The following ESRRG variants were observed in gnomAD, a reference collection of about 807,000 sequenced individuals.
The protein encoded by ESRRG is estrogen-related receptor gamma.
A neutral mutation model predicts 44.0 loss-of-function variants in ESRRG; 13 were observed. The observed-to-expected ratio is 0.30, with a 90% CI of 0.19 to 0.47. The LOEUF is 0.47. ESRRG is among the 20% of genes least tolerant of loss of function. The pLI is 1.00. For synonymous variants in ESRRG, 215 were observed against 214.6 expected (o/e 1.00, Z -0.02); for missense variants, 395 against 580.6 (o/e 0.68, Z 3.29).
At chr1:216,526,188 C>T (rs893604882) in intron 5 of ESRRG, among the ~76,000 whole-genome samples, 1 of 152,088 alleles carries the variant, frequency 6.6e-6, no homozygotes, top group Admixed American at 6.5e-5. Flanking sequence ...ATGGTATTAA[C>T]TTAGCCCCTG....
intron 2 of ESRRG, among the ~76,000 whole-genome samples, chr1:216,661,122 T>C (rs995291605): frequency 1.3e-5 from 2 of 152,210 alleles, no homozygotes; most frequent in African/African-American, 2.4e-5. Context: ...AGTTCTGATA[T>C]AATGATGTCT....
intron 3 of ESRRG, among the ~76,000 whole-genome samples, chr1:216,590,523 G>A (rs2149989272): frequency 6.6e-6 from 1 of 152,274 alleles, no homozygotes; most frequent in East Asian, 1.9e-4. Flanking sequence ...TCTCTGTCTG[G>A]AATTTAAGAA....
At chr1:216,574,981 A>T (rs1032641271) in intron 3 of ESRRG, among the ~76,000 whole-genome samples, 2 of 152,132 alleles carry the variant, frequency 1.3e-5, no homozygotes, top group Admixed American at 1.3e-4. Flanking sequence ...GATTTCTATG[A>T]GGGAACCATC....
chr1:216,735,987 A>AAAAAT (rs1453476198), intron 2 of ESRRG, among the ~76,000 whole-genome samples: 7 of 137,078 alleles, frequency 5.1e-5, no homozygotes, highest in Non-Finnish European at 9.4e-5. Flanking sequence ...CTCAAAAAAA[A>AAAAAT]ATATATATAT....
chr1:216,603,578 A>C (rs1170377152), intron 3 of ESRRG, among the ~76,000 whole-genome samples: 2 of 152,202 alleles, frequency 1.3e-5, no homozygotes, highest in East Asian at 3.8e-4. Flanking sequence ...ACAGTTATTC[A>C]CTGACCTCAG....
chr1:216,736,687 A>ACC (rs1377657173), intron 2 of ESRRG, among the ~76,000 whole-genome samples: 1 of 152,152 alleles, frequency 6.6e-6, no homozygotes, highest in Non-Finnish European at 1.5e-5. Flanking sequence ...TCAGTGAACA[A>ACC]GAGGGAACCG....
intron 3 of ESRRG, among the ~76,000 whole-genome samples, chr1:216,570,729 G>C (rs919721761): frequency 8.5e-5 from 13 of 152,184 alleles, no homozygotes. Context: ...GGCAGAGAGA[G>C]AGAAACAATG....
At chr1:216,970,159 A>G (rs1370408747) in intron 1 of ESRRG, among the ~76,000 whole-genome samples, 3 of 152,180 alleles carry the variant, frequency 2.0e-5, no homozygotes, top group African/African-American at 7.2e-5. Context: ...AAATGCTAAG[A>G]ATCACCCATG....
intron 2 of ESRRG, among the ~76,000 whole-genome samples, chr1:216,836,875 G>A (rs1229409337): frequency 1.3e-5 from 2 of 152,100 alleles, no homozygotes; most frequent in Non-Finnish European, 2.9e-5. Flanking sequence ...AGACAAAAGA[G>A]GGGCAAAGCA....
At chr1:216,746,146 A>G (rs1385721709) in intron 2 of ESRRG, among the ~76,000 whole-genome samples, 2 of 152,230 alleles carry the variant, frequency 1.3e-5, no homozygotes, top group Non-Finnish European at 2.9e-5. Flanking sequence ...TATGGTGATA[A>G]TGATTCTGAT....
chr1:216,774,730 G>A (rs956729379), intron 2 of ESRRG, among the ~76,000 whole-genome samples: 2 of 150,892 alleles, frequency 1.3e-5, no homozygotes, highest in African/African-American at 4.9e-5. Flanking sequence ...TGTACGAACA[G>A]AGTCTAAAAA....
chr1:216,781,532 T>G (rs1477325391), intron 2 of ESRRG, among the ~76,000 whole-genome samples: 1 of 152,064 alleles, frequency 6.6e-6, no homozygotes, highest in African/African-American at 2.4e-5. Flanking sequence ...TAATGTCTTC[T>G]GCACTCCAAT....
At chr1:216,950,947 G>A (rs10495037) in intron 1 of ESRRG, among the ~76,000 whole-genome samples, 2,621 of 152,164 alleles carry the variant, frequency 0.017, 67 homozygotes, top group African/African-American at 0.059. Flanking sequence ...GTTTAAAACC[G>A]AGATGTGATA....
chr1:216,921,494 T>C (rs964246627), intron 2 of ESRRG, among the ~76,000 whole-genome samples: 5 of 152,164 alleles, frequency 3.3e-5, no homozygotes, highest in Admixed American at 6.5e-5. Context: ...TGACCTCTTA[T>C]TAACTCTGAA....
intron 5 of ESRRG, among the ~76,000 whole-genome samples, chr1:216,554,072 C>T (rs2056994895): frequency 6.6e-6 from 1 of 151,906 alleles, no homozygotes; most frequent in African/African-American, 2.4e-5. Flanking sequence ...TTTATGATGG[C>T]TGAATTGGGG....
At chr1:216,596,984 C>G (rs758781105) in intron 3 of ESRRG, among the ~76,000 whole-genome samples, 3 of 152,102 alleles carry the variant, frequency 2.0e-5, no homozygotes, top group Non-Finnish European at 2.9e-5. Flanking sequence ...GTAAGAGCTG[C>G]TGACCAACTA....
chr1:216,546,116 G>A (rs956107375), intron 5 of ESRRG, among the ~76,000 whole-genome samples: 1 of 152,020 alleles, frequency 6.6e-6, no homozygotes, highest in African/African-American at 2.4e-5. Context: ...GAGGTGGGGG[G>A]ATTGTCCTGT....
chr1:216,615,375 G>A (rs1276428158), intron 3 of ESRRG, among the ~76,000 whole-genome samples: 6 of 152,108 alleles, frequency 3.9e-5, no homozygotes, highest in African/African-American at 7.2e-5. Context: ...TTTCTACTAC[G>A]GAGCTCATTC....
chr1:217,014,085 A>G (rs2079010869), intron 1 of ESRRG, among the ~76,000 whole-genome samples: 1 of 151,352 alleles, frequency 6.6e-6, no homozygotes, highest in African/African-American at 2.4e-5. Context: ...TTTGTTTTTT[A>G]CCCCCTTTCC....
Sources: gnomAD v4.1 joint callset for allele counts (sites outside exome capture counted in the v4.1 genomes callset) on GRCh38, gnomAD v4.1.1 for gene constraint, MANE v1.5 for transcripts, NCBI Gene and HGNC (gene_info 2026-07-23, HGNC 2026-07-21) for gene names.